The following ABAT variants were observed in gnomAD, a reference collection of about 807,000 sequenced individuals.
ABAT encodes 4-aminobutyrate aminotransferase, also known as 4-aminobutyrate aminotransferase, mitochondrial.
In ABAT, 45 loss-of-function variants were observed where a neutral mutation model predicts 64.6. The observed-to-expected ratio is 0.70, with a 90% CI of 0.55 to 0.89. ABAT has a LOEUF of 0.89. ABAT is among the 40% of genes least tolerant of loss of function. The pLI is 0.00. For missense variants in ABAT, 633 were observed against 658.4 expected, an observed-to-expected ratio of 0.96 and a Z score of 0.42; for synonymous variants, 297 against 250.5, an observed-to-expected ratio of 1.19 and a Z score of -1.75.
intron 8 of ABAT, among the ~76,000 whole-genome samples, chr16:8,765,492 C>T (rs758070551): frequency 2.0e-5 from 3 of 152,064 alleles, no homozygotes; most frequent in African/African-American, 2.4e-5. Flanking sequence ...GGTGAAACCC[C>T]GTCTCTATAA....
At chr16:8,704,143 C>CA (rs2057888007) in intron 1 of ABAT, among the ~76,000 whole-genome samples, 1 of 152,216 alleles carries the variant, frequency 6.6e-6, no homozygotes, top group Admixed American at 6.5e-5. Context: ...GACCTACTTT[C>CA]AACTTTAAGT....
chr16:8,678,613 A>T (rs1221586919), intron 1 of ABAT, among the ~76,000 whole-genome samples: 1 of 152,206 alleles, frequency 6.6e-6, no homozygotes, highest in Admixed American at 6.5e-5. Flanking sequence ...CGAAACTTCA[A>T]TGGCATGCTC....
At chr16:8,708,994 C>T (rs924247023) in intron 1 of ABAT, among the ~76,000 whole-genome samples, 2 of 152,040 alleles carry the variant, frequency 1.3e-5, no homozygotes, top group East Asian at 1.9e-4. Context: ...ACCAAGTGCC[C>T]GAAATGGGGC....
At position 8,772,776 on chromosome 16, in the gene ABAT, C is replaced by T. The variant is rs370728778; in HGVS notation, c.817-4C>T. The stretch of plus-strand genomic sequence containing the variant: ...CGGTGGTCACTTTCCCCTTTGGGAT[C>T]CAGGTGGAGGATCTGATTGTGAAAT... On this transcript the variant is annotated splice_polypyrimidine_tract_variant and splice_region_variant and intron_variant, in intron 11 of 15. Coordinates refer to ENST00000268251, the MANE Select transcript of ABAT (RefSeq NM_020686.6). The T allele has an allele frequency of 6.2e-7, 1 of 1,613,930 alleles. No homozygotes were observed. Among genetic ancestry groups the T allele is most frequent in the Non-Finnish European group, 8.5e-7 (1 of 1,180,014 alleles).
chr16:8,756,204 G>A (rs530032561), intron 5 of ABAT, among the ~76,000 whole-genome samples: 76 of 152,216 alleles, frequency 5.0e-4, no homozygotes, highest in African/African-American at 1.8e-3. Flanking sequence ...TGGGCAACAA[G>A]GCAAGACTCT....
chr16:8,746,736 A>G (rs2059342437), intron 3 of ABAT, among the ~76,000 whole-genome samples: 1 of 152,070 alleles, frequency 6.6e-6, no homozygotes. Context: ...AAAAGAAGCC[A>G]ACGAGGGCAT....
intron 12 of ABAT, among the ~76,000 whole-genome samples, chr16:8,773,181 TCA>T (rs916387818): frequency 1.3e-5 from 2 of 149,854 alleles, no homozygotes; most frequent in Non-Finnish European, 2.9e-5. Flanking sequence ...AGACAGAGTC[TCA>T]CTCTGTTACC....
chr16:8,720,477 G>A (rs1354192978), intron 1 of ABAT, among the ~76,000 whole-genome samples: 1 of 152,244 alleles, frequency 6.6e-6, no homozygotes, highest in Admixed American at 6.5e-5. Flanking sequence ...GCAGGTGATA[G>A]GAAGTCATGC....
At chr16:8,770,014 A>G (rs2060057721) in intron 11 of ABAT, among the ~76,000 whole-genome samples, 2 of 152,232 alleles carry the variant, frequency 1.3e-5, no homozygotes, top group Non-Finnish European at 2.9e-5. Flanking sequence ...GGCATCAAGT[A>G]CAGCACTGTC....
At chr16:8,685,685 AC>A (rs1339571505) in intron 1 of ABAT, among the ~76,000 whole-genome samples, 1 of 152,172 alleles carries the variant, frequency 6.6e-6, no homozygotes, top group Non-Finnish European at 1.5e-5. Flanking sequence ...CAAAACAAAA[AC>A]AAAAAAACAA....
At chr16:8,767,064 C>G (rs1240545714) in intron 9 of ABAT, among the ~76,000 whole-genome samples, 1 of 152,184 alleles carries the variant, frequency 6.6e-6, no homozygotes, top group Non-Finnish European at 1.5e-5. Context: ...GGAATTGGTG[C>G]TCAACCAGCC....
chr16:8,704,812 C>G (rs915410859), intron 1 of ABAT, among the ~76,000 whole-genome samples: 4 of 152,110 alleles, frequency 2.6e-5, no homozygotes, highest in African/African-American at 9.7e-5. Flanking sequence ...TGGTCATTTA[C>G]ATTGTTTTCA....
intron 6 of ABAT, among the ~76,000 whole-genome samples, chr16:8,763,330 A>G (rs2059851591): frequency 6.6e-6 from 1 of 152,176 alleles, no homozygotes; most frequent in South Asian, 2.1e-4. Context: ...AATGAGGACA[A>G]TTAACTTCCC....
intron 3 of ABAT, 38 bp from the exon 4 acceptor site, chr16:8,748,070 T>G (rs1206970414): frequency 6.2e-7 from 1 of 1,606,392 alleles, no homozygotes; most frequent in South Asian, 1.1e-5. Context: ...GGCAAGAGTG[T>G]GGACTTGCTA....
chr16:8,767,838 T>G (rs1205045680), intron 9 of ABAT, among the ~76,000 whole-genome samples: 1 of 151,894 alleles, frequency 6.6e-6, no homozygotes, highest in Non-Finnish European at 1.5e-5. Context: ...ACCATGCCTG[T>G]CTAATTTTTG....
intron 1 of ABAT, among the ~76,000 whole-genome samples, chr16:8,707,272 G>A (rs1567277691): frequency 6.6e-6 from 1 of 151,284 alleles, no homozygotes; most frequent in South Asian, 2.1e-4. Context: ...CTGCAGCCTC[G>A]ACCTCCCAGA....
intron 1 of ABAT, among the ~76,000 whole-genome samples, chr16:8,719,037 C>T (rs1207979623): frequency 6.6e-6 from 1 of 152,154 alleles, no homozygotes; most frequent in African/African-American, 2.4e-5. Flanking sequence ...GGTTTGTTTT[C>T]TCTGAACGGG....
intron 1 of ABAT, among the ~76,000 whole-genome samples, chr16:8,717,751 G>A (rs2058252906): frequency 6.6e-6 from 1 of 152,082 alleles, no homozygotes; most frequent in Non-Finnish European, 1.5e-5. Context: ...GCAACGTATT[G>A]GGTAAAAAGA....
intron 2 of ABAT, among the ~76,000 whole-genome samples, chr16:8,737,689 G>A (rs190459827): frequency 3.6e-4 from 55 of 151,078 alleles, no homozygotes; most frequent in Middle Eastern, 3.5e-3. Flanking sequence ...TTGGGAGGCC[G>A]AGGCAGGAGG....
Sources: allele counts gnomAD v4.1 joint callset (sites outside exome capture counted in the v4.1 genomes callset), GRCh38; gene constraint gnomAD v4.1.1; transcripts MANE v1.5; gene names NCBI Gene and HGNC (gene_info 2026-07-23, HGNC 2026-07-21).